Variants in CADM1 observed in about 807,000 individuals in gnomAD.
CADM1 encodes the protein TSLC-1.
In CADM1, 15 loss-of-function variants were observed where a neutral mutation model predicts 53.1. That is an observed-to-expected ratio of 0.28 (90% CI 0.19 to 0.44). The LOEUF (loss-of-function observed/expected upper bound fraction) is 0.44, where lower values mean the gene tolerates loss of function less well. Ranked by LOEUF, CADM1 falls within the 20% of genes least tolerant of loss-of-function variation. CADM1 has a pLI of 1.00. For missense variants in CADM1, 434 were observed against 611.3 expected (o/e 0.71, Z 3.06); for synonymous variants, 281 against 243.0 (o/e 1.16, Z -1.45).
chr11:115,301,607 C>T (rs1944223205), intron 1 of CADM1, among the ~76,000 whole-genome samples: 1 of 151,990 alleles, frequency 6.6e-6, no homozygotes, highest in Non-Finnish European at 1.5e-5. Flanking sequence ...CATATAGCCC[C>T]CAAGCCATGT....
At chr11:115,503,823 G>T (rs1253730337) in intron 1 of CADM1, among the ~76,000 whole-genome samples, 1 of 152,112 alleles carries the variant, frequency 6.6e-6, no homozygotes, top group Admixed American at 6.5e-5. Flanking sequence ...TTCGGGGATG[G>T]AGAACTGGGG....
intron 1 of CADM1, among the ~76,000 whole-genome samples, chr11:115,255,115 G>A (rs1172397397): frequency 6.6e-6 from 1 of 152,154 alleles, no homozygotes; most frequent in East Asian, 1.9e-4. Context: ...GAATACTTCA[G>A]AGGTCAGGCG....
chr11:115,305,702 A>AT (rs1201771857), intron 1 of CADM1, among the ~76,000 whole-genome samples: 1 of 151,718 alleles, frequency 6.6e-6, no homozygotes, highest in Non-Finnish European at 1.5e-5. Flanking sequence ...TTGACTTGAG[A>AT]TTTTTTTAGG....
At chr11:115,328,130 C>A (rs575878715) in intron 1 of CADM1, among the ~76,000 whole-genome samples, 1 of 152,016 alleles carries the variant, frequency 6.6e-6, no homozygotes, top group Non-Finnish European at 1.5e-5. Context: ...CTTCTGTTGA[C>A]CTCCGATTTT....
At chr11:115,236,697 C>T (rs1161169754) in intron 3 of CADM1, among the ~76,000 whole-genome samples, 2 of 151,794 alleles carry the variant, frequency 1.3e-5, no homozygotes, top group African/African-American at 4.8e-5. Context: ...AACTGCTTGC[C>T]AATGGCTAGA....
At position 115,270,326 on chromosome 11, in the gene CADM1, C is replaced by T. The variant is rs34384145; in HGVS notation, c.125-29906G>A. 7.2e-3 allele frequency among the ~76,000 whole-genome samples: 1,090 copies of T among 152,306 alleles called. 6 individuals are homozygous for T. Among genetic ancestry groups the T allele is most frequent in the Non-Finnish European group, 0.013 (867 of 68,018 alleles). ...AAAGGCAGTTCTGAGAGCTACTTTA[C>T]CATATTTATTATTTTACAGAGGGGG... On this transcript the variant is annotated intron_variant, in intron 1 of 11. Coordinates refer to ENST00000331581, the MANE Select transcript of CADM1 (RefSeq NM_001301043.2).
rs1462095509 is a variant in CADM1 at position 115,182,886 on chromosome 11, G to A, written c.1166-4111C>T. Among the ~76,000 whole-genome samples, 61 of 152,184 alleles carry A rather than the reference G, an allele frequency of 4.0e-4. 1 individual carries two copies. The highest frequency in any genetic ancestry group is 4.0e-3 in the Admixed American group (61 of 15,274). On this transcript the variant is annotated intron_variant, in intron 10 of 11. Transcript: ENST00000331581. ...TTAGCTTTTCTTTTGGCAAAAAGCTGAAACAACTTGGCTCCAGGTGAGAGT... is the reference window on the plus strand; with the variant it reads ...TTAGCTTTTCTTTTGGCAAAAAGCTAAAACAACTTGGCTCCAGGTGAGAGT...
chr11:115,172,854 T>G lies in CADM1; in HGVS notation c.*3620A>C, dbSNP rs17564430. The G allele has an allele frequency of 0.2, 30,502 of 150,404 alleles. 3,612 individuals carry two copies. Among genetic ancestry groups the G allele is most frequent in the South Asian group, 0.32 (1,519 of 4,724 alleles). 9.3% of individuals were successfully genotyped at this position (150,404 alleles called of 1,614,324 possible). On this transcript the variant is annotated 3_prime_UTR_variant, in exon 12 of 12. Transcript: ENST00000331581. ...CTGGAGCTTACCTTTGCTTTTCCTA[T>G]GGAACTTTCCCCATGACGTGGCCAA...
At chr11:115,325,120 C>A (rs1455253965) in intron 1 of CADM1, among the ~76,000 whole-genome samples, 1 of 152,172 alleles carries the variant, frequency 6.6e-6, no homozygotes, top group East Asian at 1.9e-4. Context: ...CCCTTAAGTT[C>A]TATAGAAGAA....
chr11:115,308,801 C>T (rs1369839519), intron 1 of CADM1, among the ~76,000 whole-genome samples: 2 of 141,090 alleles, frequency 1.4e-5, no homozygotes, highest in African/African-American at 5.1e-5. Flanking sequence ...CTTCCTCCCT[C>T]CCTCCCTCCC....
intron 1 of CADM1, among the ~76,000 whole-genome samples, chr11:115,405,194 C>T (rs1388102526): frequency 6.6e-6 from 1 of 152,218 alleles, no homozygotes; most frequent in East Asian, 1.9e-4. Flanking sequence ...CTCAAGCCAA[C>T]TTCCTACCTC....
At chr11:115,342,137 C>T (rs1945465685) in intron 1 of CADM1, among the ~76,000 whole-genome samples, 1 of 152,180 alleles carries the variant, frequency 6.6e-6, no homozygotes, top group African/African-American at 2.4e-5. Context: ...TAAGTAACAA[C>T]TGGAAAGGCT....
At chr11:115,361,643 T>C (rs1946031706) in intron 1 of CADM1, among the ~76,000 whole-genome samples, 1 of 152,142 alleles carries the variant, frequency 6.6e-6, no homozygotes, top group South Asian at 2.1e-4. Flanking sequence ...AGATTGTGCA[T>C]ATGTCTGTCT....
chr11:115,487,439 GA>G (rs1255323950), intron 1 of CADM1, among the ~76,000 whole-genome samples: 1 of 151,796 alleles, frequency 6.6e-6, no homozygotes, highest in African/African-American at 2.4e-5. Context: ...CTAAAACCTT[GA>G]AAAATATTCT....
intron 1 of CADM1, among the ~76,000 whole-genome samples, chr11:115,292,472 C>T (rs1221418668): frequency 2.0e-5 from 3 of 152,168 alleles, no homozygotes; most frequent in African/African-American, 4.8e-5. Flanking sequence ...AGGGGAAGCA[C>T]GGCACATCCT....
chr11:115,469,025 A>C (rs1217774120), intron 1 of CADM1, among the ~76,000 whole-genome samples: 1 of 151,864 alleles, frequency 6.6e-6, no homozygotes, highest in Non-Finnish European at 1.5e-5. Flanking sequence ...TGATTAAATT[A>C]CCTCCCACCG....
intron 10 of CADM1, among the ~76,000 whole-genome samples, chr11:115,188,206 A>G (rs1939670157): frequency 6.6e-6 from 1 of 152,230 alleles, no homozygotes; most frequent in South Asian, 2.1e-4. Context: ...TCTATTCCAC[A>G]TGAGTGGCAA....
chr11:115,174,640 T>C lies in CADM1; in HGVS notation c.*1834A>G. 2 of 984,750 alleles carry C rather than the reference T, an allele frequency of 2.0e-6. No homozygotes were observed. Among genetic ancestry groups the C allele is most frequent in the Non-Finnish European group, 2.4e-6 (2 of 829,076 alleles). 61.0% of individuals were successfully genotyped at this position (984,750 alleles called of 1,614,324 possible). A position where few individuals can be genotyped will look rare whatever the true frequency, so the allele number is the denominator to read the frequency against. ...TCAAATAACAAAGAGTTGACACTTT[T>C]TCCCCCTTAAATAAATCAGCATAAG... On this transcript the variant is annotated 3_prime_UTR_variant, in exon 12 of 12. Coordinates refer to ENST00000331581, the MANE Select transcript of CADM1 (RefSeq NM_001301043.2).
chr11:115,444,948 G>T (rs1372354499), intron 1 of CADM1, among the ~76,000 whole-genome samples: 1 of 152,162 alleles, frequency 6.6e-6, no homozygotes, highest in Non-Finnish European at 1.5e-5. Flanking sequence ...ACGTGGAGGG[G>T]TGAGGAGAGG....
Sources: gnomAD v4.1 joint callset for allele counts (sites outside exome capture counted in the v4.1 genomes callset) on GRCh38, gnomAD v4.1.1 for gene constraint, MANE v1.5 for transcripts, NCBI Gene and HGNC (gene_info 2026-07-23, HGNC 2026-07-21) for gene names.